The following GCN1 variants were observed in gnomAD, a reference collection of about 807,000 sequenced individuals.
GCN1 encodes GCN1 activator of EIF2AK4.
Under a neutral mutation model 288.4 loss-of-function variants are expected in GCN1, and 90 were observed. That is an observed-to-expected ratio of 0.31 (90% CI 0.26 to 0.37). GCN1 has a LOEUF of 0.37. GCN1 is among the 10% of genes least tolerant of loss of function. GCN1 has a pLI of 1.00. For missense variants in GCN1, 2,586 were observed against 3,419.9 expected, an observed-to-expected ratio of 0.76 and a Z score of 6.08; for synonymous variants, 1,386 against 1,420.2, an observed-to-expected ratio of 0.98 and a Z score of 0.54.
rs1877539976 is a variant in GCN1 at position 120,151,191 on chromosome 12, T to C, written c.4263A>G (p.Ala1421=). 1 of 1,614,006 alleles carries C rather than the reference T, an allele frequency of 6.2e-7. No individual in the cohort carries two copies. Among genetic ancestry groups the C allele is most frequent in the South Asian group, 1.1e-5 (1 of 91,094 alleles). ...TCTTATCTTGGATGGCATCAGTCAG[T>C]GCCGCCATCATCTCCTGTTGCTTCA... ...LSLKQQEMMA[A]LTDAIQDKKN... Residue 1421 remains alanine (A), a synonymous_variant, in exon 34 of 58, where the codon GCA becomes GCG. Transcript: ENST00000300648.
In GCN1 at chr12:120,130,663, A is replaced by C. The variant is rs202191794; in HGVS notation, c.7654T>G (p.Ser2552Ala). 1.2e-6 allele frequency: 2 copies of C among 1,613,022 alleles called. No homozygotes were observed. The highest frequency in any genetic ancestry group is 1.7e-6 in the Non-Finnish European group (2 of 1,179,176). Residue 2552 changes from serine (S) to alanine (A), a missense_variant, in exon 56 of 58, where the codon TCC (serine) becomes GCC (alanine). Coordinates refer to ENST00000300648, the MANE Select transcript of GCN1 (RefSeq NM_006836.2). ...CCACTCACCTTAACGAACAGGCTGG[A>C]AAGTTTGGCCGGCAACTGCCCTCCG... ...TGGGQLPAKL[S>A]SLFVKCLQNP...
intron 2 of GCN1, 99 bp from the exon 3 acceptor site, chr12:120,184,986 A>G: frequency 1.3e-6 from 1 of 781,076 alleles, no homozygotes; most frequent in Non-Finnish European, 2.2e-6. Context: ...CCCACTGGAC[A>G]CTCCCCATAT....
intron 16 of GCN1, among the ~76,000 whole-genome samples, chr12:120,167,352 C>CA (rs58505091): frequency 0.038 from 2,752 of 72,708 alleles, 57 homozygotes; most frequent in Non-Finnish European, 0.052. Flanking sequence ...AACTCCATCT[C>CA]AAAAAAAAAA....
In GCN1 at chr12:120,131,187, T is replaced by G; in HGVS notation, c.7561A>C (p.Arg2521=). 6.2e-7 allele frequency: 1 copy of G among 1,614,116 alleles called. No homozygotes were observed. Among genetic ancestry groups the G allele is most frequent in the Non-Finnish European group, 8.5e-7 (1 of 1,179,950 alleles). ...EMILSSATAD[R]IPIAVSGVRG... is the part of the protein sequence containing the mutation. Reference sequence around the variant, plus strand: ...GGGATATGGCCCGAATGCCTTACCCTGTCCGCCGTGGCACTGCTCAGGATC... The same window carrying G: ...GGGATATGGCCCGAATGCCTTACCCGGTCCGCCGTGGCACTGCTCAGGATC... The change falls in exon 55 of 58, where the codon AGG becomes CGG. Residue 2521 remains arginine (R), a splice_region_variant and synonymous_variant. Coordinates refer to ENST00000300648, the MANE Select transcript of GCN1 (RefSeq NM_006836.2).
intron 38 of GCN1, among the ~76,000 whole-genome samples, chr12:120,146,111 A>T (rs1877352396): frequency 6.6e-6 from 1 of 151,976 alleles, no homozygotes; most frequent in South Asian, 2.1e-4. Context: ...TACTAAAAAT[A>T]CAAAAATTAG....
rs371426412 is a variant in GCN1 at position 120,144,965 on chromosome 12, T to C, written c.5113A>G (p.Thr1705Ala). 3.9e-5 allele frequency: 63 copies of C among 1,613,980 alleles called. No homozygotes were observed. The highest frequency in any genetic ancestry group is 5.2e-5 in the Non-Finnish European group (61 of 1,180,042). ...DLLPWLMETL[T>A]YEQSSVDRSG... ...CGATCCACAGAGCTCTGCTCATAGGTCAGTGTCTCCATCAGCCACGGCAGC... is the reference window on the plus strand; with the variant it reads ...CGATCCACAGAGCTCTGCTCATAGGCCAGTGTCTCCATCAGCCACGGCAGC... Residue 1705 changes from threonine (T) to alanine (A), a missense_variant, in exon 40 of 58, where the codon ACC (threonine) becomes GCC (alanine). By Grantham distance (58) the Thr-to-Ala change is moderately conservative (BLOSUM62 0). Around this residue, in one of 8 missense-constraint regions of GCN1, gnomAD observed 371 missense variants for 572.6 expected, o/e 0.65. Coordinates refer to ENST00000300648, the MANE Select transcript of GCN1 (RefSeq NM_006836.2). This position sits in a 1 kb window ranked among gnomAD's most constrained non-coding sequence, Gnocchi z 4.7.
Position 120,136,679 on chromosome 12 carries a change from A to G in GCN1, c.6831T>C (p.Pro2277=). ...VLREGVLTGS[P]EQKEEAAKAL... is the part of the protein sequence containing the mutation. ...CTTTGGCTGCCTCCTCCTTCTGCTC[A>G]GGGCTGCCAGTCAGGACTCCTTCCC... Residue 2277 remains proline, a synonymous_variant, in exon 51 of 58, where the codon CCT becomes CCC. Transcript: ENST00000300648. The G allele has an allele frequency of 6.2e-7, 1 of 1,614,082 alleles. No homozygotes were observed. The highest frequency in any genetic ancestry group is 8.5e-7 in the Non-Finnish European group (1 of 1,180,020).
intron 7 of GCN1, 69 bp from the exon 8 acceptor site, chr12:120,177,821 C>G (rs1348252686): frequency 3.5e-6 from 4 of 1,145,110 alleles, no homozygotes; most frequent in Admixed American, 1.7e-5. Flanking sequence ...TAAGGGGTCC[C>G]TCTTGTGAGA....
Position 120,158,689 on chromosome 12 carries a change from G to T in GCN1, c.2750-74C>A. The T allele has an allele frequency of 7.9e-7, 1 of 1,271,544 alleles. No homozygotes were observed. Among genetic ancestry groups the T allele is most frequent in the African/African-American group, 1.5e-5 (1 of 67,246 alleles). The allele number at this position is 1,271,544 out of a possible 1,614,324, so 78.8% of individuals were successfully genotyped here. A position where few individuals can be genotyped will look rare whatever the true frequency, so the allele number is the denominator to read the frequency against. On this transcript the variant is annotated intron_variant, in intron 24 of 57. Transcript: ENST00000300648. This position sits in a 1 kb window ranked among gnomAD's most constrained non-coding sequence, Gnocchi z 4.3. ...GAATCCAGCCCAGGCTAAAACAGGG[G>T]ACCCAGTGCCTCATCCTTCTGACTT...
chr12:120,127,257 ATC>A lies in GCN1; in HGVS notation c.*590_*591del, dbSNP rs1008242636. ...GTTTAATGGGTGGAGATTTTTAAAA[ATC>A]TGTTTATATCAAGATTAAATCAAAG... On this transcript the variant is annotated 3_prime_UTR_variant, in exon 58 of 58. Coordinates refer to ENST00000300648, the MANE Select transcript of GCN1 (RefSeq NM_006836.2). 2 of 152,680 alleles carry A rather than the reference ATC, an allele frequency of 1.3e-5. No individual in the cohort carries two copies. Among genetic ancestry groups the A allele is most frequent in the African/African-American group, 2.4e-5 (1 of 41,456 alleles). 9.5% of individuals were successfully genotyped at this position (152,680 alleles called of 1,614,324 possible).
chr12:120,155,623 T>C lies in GCN1; in HGVS notation c.3409A>G (p.Lys1137Glu), dbSNP rs761277249. The part of the protein sequence containing the change: ...LRRLWVVKFD[K>E]EEEIRKLAER... ...GCCAGCTTCCGGATCTCCTCCTCCT[T>C]GTCAAACTTGACCACCCAGAGTCTC... is the stretch of plus-strand genomic sequence containing the variant. The change falls in exon 29 of 58, where the codon AAG (lysine) becomes GAG (glutamate). Residue 1137 changes from lysine to glutamate, a missense_variant. Physicochemically the swap from Lys to Glu is moderately conservative, Grantham distance 56. Around this residue, in one of 8 missense-constraint regions of GCN1, gnomAD observed 332 missense variants for 403.0 expected, o/e 0.82. Transcript: ENST00000300648. The surrounding 1 kb of genome is among the most constrained non-coding windows in gnomAD (Gnocchi z 4.9). 235 of 1,613,950 alleles carry C rather than the reference T, an allele frequency of 1.5e-4. No individual in the cohort carries two copies. In the East Asian group the frequency reaches 3.6e-3, roughly 25 times the overall value.
chr12:120,137,106 TGC>T lies in GCN1; in HGVS notation c.6777+98_6777+99del. ...GCTGAACACCAACCACCACGGCTAC[TGC>T]TCCAGCAGCCCCTACCGCAGACCTG... On this transcript the variant is annotated intron_variant, in intron 50 of 57. Coordinates refer to ENST00000300648, the MANE Select transcript of GCN1 (RefSeq NM_006836.2). The surrounding 1 kb of genome is among the most constrained non-coding windows in gnomAD (Gnocchi z 5.2). 7.3e-6 allele frequency: 6 copies of T among 825,722 alleles called. No homozygotes were observed. 51.1% of individuals were successfully genotyped at this position (825,722 alleles called of 1,614,324 possible).
chr12:120,178,827 C>T lies in GCN1; in HGVS notation c.525+25G>A, dbSNP rs1398780431. 3 of 1,613,346 alleles carry T rather than the reference C, an allele frequency of 1.9e-6. No homozygotes were observed. The African/African-American group carries it at 4.0e-5, about 22-fold the overall frequency. ...GGGAGTGGCATGGAAGAAGCAATGC[C>T]CACCAGCCCCTGCAGTCCTGTCACC... On this transcript the variant is annotated intron_variant, in intron 6 of 57. Transcript: ENST00000300648.
At chr12:120,176,292 C>G (rs1878480035) in intron 9 of GCN1, 75 bp from the exon 10 acceptor site, 2 of 892,264 alleles carry the variant, frequency 2.2e-6, no homozygotes. Flanking sequence ...CCCCTACTCC[C>G]CAGCAAATGC....
Position 120,127,562 on chromosome 12 carries a change from T to A in GCN1, c.*287A>T. ...CACAGTCTGACCCTGCTATTATAGT[T>A]CCAGACCTAGCCATGCTAAACTGGA... On this transcript the variant is annotated 3_prime_UTR_variant, in exon 58 of 58. Coordinates refer to ENST00000300648, the MANE Select transcript of GCN1 (RefSeq NM_006836.2). 5.8e-6 allele frequency: 2 copies of A among 345,598 alleles called. No homozygotes were observed. The highest frequency in any genetic ancestry group is 1.1e-5 in the Non-Finnish European group (2 of 181,772). 21.4% of individuals were successfully genotyped at this position (345,598 alleles called of 1,614,324 possible).
chr12:120,162,562 C>A (rs1244607158), intron 20 of GCN1, among the ~76,000 whole-genome samples: 2 of 152,224 alleles, frequency 1.3e-5, no homozygotes, highest in African/African-American at 4.8e-5. Flanking sequence ...ACAGAGACAA[C>A]AGACAAAGAT....
Position 120,158,574 on chromosome 12 carries a change from C to T in GCN1, c.2791G>A (p.Glu931Lys), listed in dbSNP as rs1437173212. The change falls in exon 25 of 58, where the codon GAG becomes AAG. Residue 931 changes from glutamate (E) to lysine (K), a missense_variant. Glu to Lys is a moderately conservative substitution (Grantham distance 56). This residue lies in a region of GCN1 where 153 missense variants were observed against 252.0 expected (regional missense o/e 0.61). Coordinates refer to ENST00000300648, the MANE Select transcript of GCN1 (RefSeq NM_006836.2). This position sits in a 1 kb window ranked among gnomAD's most constrained non-coding sequence, Gnocchi z 4.3. ...SHVTLRLLKP[E>K]CVLDKSWCQE... ...CACCAGGACTTATCCAGGACACACT[C>T]TGGCTTCAGCAGGCGCAGGGTCACG... is the stretch of plus-strand genomic sequence containing the variant. 1 of 1,608,234 alleles carries T rather than the reference C, an allele frequency of 6.2e-7. No homozygotes were observed. The highest frequency in any genetic ancestry group is 8.5e-7 in the Non-Finnish European group (1 of 1,177,364).
At chr12:120,161,429 C>T (rs1566309549) in intron 22 of GCN1, 61 bp downstream of exon 22, 1 of 1,090,138 alleles carries the variant, frequency 9.2e-7, no homozygotes, top group African/African-American at 1.5e-5. Flanking sequence ...GTGGGAAAAG[C>T]CACCAGCTTG....
chr12:120,173,576 G>A (rs926334303), intron 14 of GCN1, 77 bp downstream of exon 14: 82 of 811,034 alleles, frequency 1.0e-4, no homozygotes, highest in African/African-American at 9.0e-4. Flanking sequence ...CAGGGAAAGC[G>A]GGAACACTAA....
Sources: allele counts gnomAD v4.1 joint callset (sites outside exome capture counted in the v4.1 genomes callset), GRCh38; gene constraint gnomAD v4.1.1; regional missense constraint gnomAD v4.1.1; non-coding constraint Gnocchi (gnomAD v3.1); transcripts MANE v1.5; gene names NCBI Gene and HGNC (gene_info 2026-07-23, HGNC 2026-07-21).